The following BICDL1 variants were observed in gnomAD, a reference collection of about 807,000 sequenced individuals.
The protein encoded by BICDL1 is BICD family-like cargo adapter 1.
A neutral mutation model predicts 76.8 loss-of-function variants in BICDL1; 20 were observed. The ratio of observed to expected loss-of-function variants is 0.26; its 90% CI spans 0.18 to 0.38. The LOEUF (loss-of-function observed/expected upper bound fraction) is 0.38, where lower values mean the gene tolerates loss of function less well. Ranked by LOEUF, BICDL1 falls within the 10% of genes least tolerant of loss-of-function variation. BICDL1 has a pLI of 1.00. For synonymous variants in BICDL1, 383 were observed against 337.1 expected (o/e 1.14, Z -1.49); for missense variants, 700 against 798.6 (o/e 0.88, Z 1.49).
At position 120,093,908 on chromosome 12, in the gene BICDL1, C is replaced by T. The variant is rs539768338; in HGVS notation, c.*747C>T. The T allele has an allele frequency of 1.8e-4, 50 of 278,576 alleles. No homozygotes were observed. Among genetic ancestry groups the T allele is most frequent in the African/African-American group, 1.0e-3 (46 of 45,344 alleles). The allele number at this position is 278,576 out of a possible 1,614,324, so 17.3% of individuals were successfully genotyped here. ...CCAGTCATCTGCAGGCTTTAGCCAT[C>T]CAGCCCTTTCCCCTGCTCAGGGCTG... On this transcript the variant is annotated 3_prime_UTR_variant, in exon 10 of 10. Transcript: ENST00000548673.
chr12:120,064,587 A>G, intron 3 of BICDL1, 146 bp from the exon 4 acceptor site: 1 of 709,422 alleles, frequency 1.4e-6, no homozygotes, highest in Non-Finnish European at 2.2e-6. Flanking sequence ...AGGGTTTCAT[A>G]GCTATTCTCT....
intron 8 of BICDL1, among the ~76,000 whole-genome samples, chr12:120,083,629 G>GTATT (rs10566467): frequency 0.063 from 9,121 of 145,130 alleles, 369 homozygotes; most frequent in East Asian, 0.19. Context: ...ATTAATAGTA[G>GTATT]TATTTATTTA....
intron 2 of BICDL1, among the ~76,000 whole-genome samples, chr12:120,024,224 T>C (rs1042281853): frequency 6.6e-6 from 1 of 152,150 alleles, no homozygotes; most frequent in Non-Finnish European, 1.5e-5. Context: ...GAGGTTGCAG[T>C]GAGCTGAGAT....
At position 120,091,362 on chromosome 12, in the gene BICDL1, G is replaced by GT. The variant is rs375120947; in HGVS notation, c.1704+1295dup. The GT allele has an allele frequency of 7.4e-4, 745 of 1,005,404 alleles. 7 individuals are homozygous for GT. The African/African-American group carries it at 0.01, about 14-fold the overall frequency. The allele number at this position is 1,005,404 out of a possible 1,614,324, so 62.3% of individuals were successfully genotyped here. A position where few individuals can be genotyped will look rare whatever the true frequency, so the allele number is the denominator to read the frequency against. ...GATTGCTTAAAGTTAAAAAAATGAA[G>GT]TTTTCAGTGTGCCAAACAAAACATT... On this transcript the variant is annotated intron_variant, in intron 9 of 9. Transcript: ENST00000548673.
At chr12:120,004,626 C>G (rs1054357351) in intron 2 of BICDL1, among the ~76,000 whole-genome samples, 4 of 152,166 alleles carry the variant, frequency 2.6e-5, no homozygotes, top group Non-Finnish European at 2.9e-5. Context: ...CATTATAGTT[C>G]AGGTGAAGCC....
rs759472161 is a variant in BICDL1 at position 120,079,906 on chromosome 12, A to G, written c.1453-981A>G. On this transcript the variant is annotated intron_variant, in intron 7 of 9. Transcript: ENST00000548673. The surrounding 1 kb of genome is among the most constrained non-coding windows in gnomAD (Gnocchi z 4.3). ...AACTGGCAAGTTTGGTCACAGGCCC[A>G]CGCCCAGACTGCCTGGGAAAGGAAA... Among the ~76,000 whole-genome samples, 5 of 152,214 alleles carry G rather than the reference A, an allele frequency of 3.3e-5. No homozygotes were observed. The highest frequency in any genetic ancestry group is 2.0e-4 in the Admixed American group (3 of 15,290).
At chr12:120,047,547 C>G (rs944061507) in intron 2 of BICDL1, among the ~76,000 whole-genome samples, 1 of 152,052 alleles carries the variant, frequency 6.6e-6, no homozygotes, top group Admixed American at 6.6e-5. Flanking sequence ...GAGCTAAAGC[C>G]AATATTCTAT....
At chr12:119,993,120 ATT>A (rs11326236) in intron 1 of BICDL1, 68 of 141,758 alleles carry the variant, frequency 4.8e-4, no homozygotes, top group African/African-American at 9.1e-4. Context: ...CGCCTGGCTA[ATT>A]TTTTTTTTTT....
chr12:120,015,359 A>C (rs915930564), intron 2 of BICDL1, among the ~76,000 whole-genome samples: 1 of 152,112 alleles, frequency 6.6e-6, no homozygotes. Flanking sequence ...GACCTAGCAC[A>C]CATTTCCAGC....
chr12:120,032,336 T>C (rs1253344121), intron 2 of BICDL1, among the ~76,000 whole-genome samples: 1 of 152,202 alleles, frequency 6.6e-6, no homozygotes, highest in Non-Finnish European at 1.5e-5. Context: ...TTAAAAATTT[T>C]TTATTTTTTG....
chr12:120,006,397 A>C lies in BICDL1; in HGVS notation c.645+7661A>C, dbSNP rs192434073. 1.7e-3 allele frequency among the ~76,000 whole-genome samples: 260 copies of C among 152,336 alleles called. 3 individuals are homozygous for C. Among genetic ancestry groups the C allele is most frequent in the Admixed American group, 0.015 (226 of 15,302 alleles). On this transcript the variant is annotated intron_variant, in intron 2 of 9. Transcript: ENST00000548673. ...TATAATGTGCACCTACTATGTATGA[A>C]GTCACTGTTCTGAGTAACAGTGATG...
At chr12:120,057,726 G>C (rs1010297195) in intron 2 of BICDL1, among the ~76,000 whole-genome samples, 3 of 152,004 alleles carry the variant, frequency 2.0e-5, no homozygotes, top group Non-Finnish European at 2.9e-5. Context: ...CTGGCTGGAA[G>C]GTGGCTGTGA....
chr12:120,094,401 T>C lies in BICDL1; in HGVS notation c.*1240T>C, dbSNP rs1875246510. The C allele has an allele frequency of 2.7e-6, 1 of 369,372 alleles. No individual in the cohort carries two copies. 22.9% of individuals were successfully genotyped at this position (369,372 alleles called of 1,614,324 possible). A position where few individuals can be genotyped will look rare whatever the true frequency, so the allele number is the denominator to read the frequency against. ...ATGTATGGATTTTATAATATACATA[T>C]ATAAAAATCTATAAAGGCATATTTT... is the stretch of plus-strand genomic sequence containing the variant. On this transcript the variant is annotated 3_prime_UTR_variant, in exon 10 of 10. Coordinates refer to ENST00000548673, the MANE Select transcript of BICDL1 (RefSeq NM_001367886.1).
intron 2 of BICDL1, among the ~76,000 whole-genome samples, chr12:120,002,481 A>G (rs1441546237): frequency 6.6e-6 from 1 of 152,184 alleles, no homozygotes; most frequent in Non-Finnish European, 1.5e-5. Context: ...CCAAAGATAC[A>G]TAAGCCTTTG....
intron 2 of BICDL1, among the ~76,000 whole-genome samples, chr12:120,054,445 G>T (rs556546893): frequency 1.3e-5 from 2 of 152,174 alleles, no homozygotes; most frequent in South Asian, 4.2e-4. Flanking sequence ...TTCTACTCAG[G>T]TAAGTTTTTC....
intron 9 of BICDL1, chr12:120,091,322 G>A (rs531112754): frequency 7.9e-6 from 8 of 1,015,766 alleles, no homozygotes; most frequent in East Asian, 9.7e-5. Context: ...TCTAAAGGGC[G>A]ACCTGGACAG....
intron 2 of BICDL1, chr12:120,057,282 T>G: frequency 2.8e-6 from 1 of 360,670 alleles, no homozygotes; most frequent in South Asian, 2.1e-5. Context: ...CCCAACGTGC[T>G]GGGATTACAC....
chr12:120,009,396 C>T (rs950095350), intron 2 of BICDL1, among the ~76,000 whole-genome samples: 2 of 152,102 alleles, frequency 1.3e-5, no homozygotes, highest in African/African-American at 2.4e-5. Context: ...CAAAGAGGAA[C>T]GCCTAAAGTT....
At chr12:120,042,060 G>A (rs1952652639) in intron 2 of BICDL1, among the ~76,000 whole-genome samples, 1 of 152,072 alleles carries the variant, frequency 6.6e-6, no homozygotes, top group African/African-American at 2.4e-5. Flanking sequence ...GACCAAGTAG[G>A]TGGCACCACA....
Sources: allele counts gnomAD v4.1 joint callset (sites outside exome capture counted in the v4.1 genomes callset), GRCh38; gene constraint gnomAD v4.1.1; non-coding constraint Gnocchi (gnomAD v3.1); transcripts MANE v1.5; gene names NCBI Gene and HGNC (gene_info 2026-07-23, HGNC 2026-07-21).